Variants in WASF1 observed in about 807,000 individuals in gnomAD.
WASF1 encodes the protein actin-binding protein WASF1.
A neutral mutation model predicts 50.5 loss-of-function variants in WASF1; 7 were observed. The observed-to-expected ratio is 0.14, with a 90% CI of 0.08 to 0.26. The LOEUF is 0.26. WASF1 is among the 10% of genes least tolerant of loss of function. WASF1 has a pLI of 1.00. For synonymous variants in WASF1, 205 were observed against 244.0 expected (o/e 0.84, Z 1.49); for missense variants, 470 against 694.7 (o/e 0.68, Z 3.64).
At chr6:110,150,712 TG>T (rs1343812056) in intron 3 of WASF1, among the ~76,000 whole-genome samples, 1 of 152,104 alleles carries the variant, frequency 6.6e-6, no homozygotes, top group East Asian at 1.9e-4. Flanking sequence ...TGAACTTTGG[TG>T]GTCAACAAGG....
In WASF1 at chr6:110,125,589, T is replaced by C. The variant is rs192439745; in HGVS notation, c.133+1880A>G. On this transcript the variant is annotated intron_variant, in intron 4 of 10. Coordinates refer to ENST00000392589, the MANE Select transcript of WASF1 (RefSeq NM_003931.3). Reference sequence around the variant, plus strand: ...TGCATGAGTTTATTTATTCTGGCTATCTAGAGGCCTTTTAAATTTAATTCC... The same window carrying C: ...TGCATGAGTTTATTTATTCTGGCTACCTAGAGGCCTTTTAAATTTAATTCC... 1.4e-4 allele frequency among the ~76,000 whole-genome samples: 21 copies of C among 152,338 alleles called. No individual in the cohort carries two copies. In the East Asian group the frequency reaches 3.7e-3, roughly 27 times the overall value.
chr6:110,115,192 G>C (rs1314441090), intron 4 of WASF1, among the ~76,000 whole-genome samples: 1 of 151,160 alleles, frequency 6.6e-6, no homozygotes, highest in African/African-American at 2.4e-5. Flanking sequence ...TAATGCAGAT[G>C]AGAGTGTCCT....
chr6:110,129,846 T>C (rs566437703), intron 3 of WASF1, among the ~76,000 whole-genome samples: 28 of 152,362 alleles, frequency 1.8e-4, no homozygotes, highest in African/African-American at 6.7e-4. Flanking sequence ...GAAGAGGTTT[T>C]ACTGTCTTGA....
chr6:110,151,141 T>C (rs1267595398), intron 3 of WASF1, among the ~76,000 whole-genome samples: 1 of 152,206 alleles, frequency 6.6e-6, no homozygotes, highest in Non-Finnish European at 1.5e-5. Context: ...CACTGGGTCA[T>C]AGGGTATATA....
At chr6:110,152,428 T>C (rs1775865666) in intron 3 of WASF1, among the ~76,000 whole-genome samples, 1 of 152,210 alleles carries the variant, frequency 6.6e-6, no homozygotes, top group South Asian at 2.1e-4. Context: ...TATATGTCTG[T>C]ATTATCAAAA....
intron 1 of WASF1, among the ~76,000 whole-genome samples, 160 bp downstream of exon 1, chr6:110,179,279 C>T (rs1240913309): frequency 1.3e-5 from 2 of 152,154 alleles, no homozygotes; most frequent in South Asian, 2.1e-4. Context: ...TCGGAAAACC[C>T]GCGGATGGGG....
At chr6:110,179,112 C>T (rs1403463981) in intron 1 of WASF1, among the ~76,000 whole-genome samples, 2 of 152,206 alleles carry the variant, frequency 1.3e-5, no homozygotes, top group African/African-American at 4.8e-5. Flanking sequence ...ACCGCGGGCG[C>T]GGGTGGGCAG....
chr6:110,168,411 G>T (rs1461342723), intron 2 of WASF1, among the ~76,000 whole-genome samples: 2 of 152,074 alleles, frequency 1.3e-5, no homozygotes, highest in South Asian at 4.1e-4. Context: ...TAGTGAAAAT[G>T]GTGATTTTTA....
At chr6:110,126,597 T>C (rs1313414361) in intron 4 of WASF1, among the ~76,000 whole-genome samples, 2 of 152,158 alleles carry the variant, frequency 1.3e-5, no homozygotes, top group African/African-American at 4.8e-5. Context: ...ATCAGGAGAA[T>C]TTATATGGCT....
intron 3 of WASF1, among the ~76,000 whole-genome samples, chr6:110,129,014 G>A (rs894545146): frequency 3.3e-5 from 5 of 151,646 alleles, no homozygotes; most frequent in Admixed American, 3.3e-4. Flanking sequence ...CCCGTGGAAA[G>A]ACTGTCTTCC....
intron 4 of WASF1, among the ~76,000 whole-genome samples, chr6:110,123,892 T>C (rs920898966): frequency 2.0e-5 from 3 of 152,120 alleles, no homozygotes; most frequent in Admixed American, 6.5e-5. Context: ...ACTGACTATA[T>C]TCCATAAGAG....
intron 3 of WASF1, among the ~76,000 whole-genome samples, chr6:110,131,242 TC>T (rs1774654637): frequency 6.6e-6 from 1 of 152,228 alleles, no homozygotes; most frequent in Non-Finnish European, 1.5e-5. Context: ...TACACCAAGA[TC>T]ATAAATATGA....
rs1415220143 is a variant in WASF1, at chr6:110,101,997, AGGT to A, written c.1110_1112del (p.Pro372del). On this transcript the variant is annotated inframe_deletion, in exon 10 of 11. Transcript: ENST00000392589. ...CAGGGGCAATCTGAAGAGGAGCTGG[AGGT>A]GGTGGTACTGCTGGAGCTTGCAAAG... The A allele has an allele frequency of 1.4e-6, 2 of 1,470,662 alleles. No homozygotes were observed. 91.1% of individuals were successfully genotyped at this position (1,470,662 alleles called of 1,614,324 possible).
At chr6:110,178,334 TGA>T (rs1777023749) in intron 2 of WASF1, among the ~76,000 whole-genome samples, 1 of 152,192 alleles carries the variant, frequency 6.6e-6, no homozygotes, top group Non-Finnish European at 1.5e-5. Context: ...AAACTGTTCC[TGA>T]GAGTTCAAAT....
intron 3 of WASF1, among the ~76,000 whole-genome samples, chr6:110,151,551 G>C (rs576348843): frequency 3.2e-4 from 49 of 152,020 alleles, no homozygotes; most frequent in Non-Finnish European, 6.0e-4. Context: ...TAAACAATAG[G>C]ATCAACAAAA....
intron 3 of WASF1, among the ~76,000 whole-genome samples, chr6:110,147,345 CAAAA>C (rs575990346): frequency 1.3e-5 from 1 of 75,030 alleles, no homozygotes. Context: ...GACTCCGTCT[CAAAA>C]AAAAAAAAAA....
intron 3 of WASF1, among the ~76,000 whole-genome samples, chr6:110,135,248 T>G (rs2114536164): frequency 6.6e-6 from 1 of 152,326 alleles, no homozygotes; most frequent in Non-Finnish European, 1.5e-5. Context: ...TGAATTCATT[T>G]ATCAGTTCTA....
At chr6:110,162,217 C>T (rs1265331159) in intron 2 of WASF1, among the ~76,000 whole-genome samples, 1 of 151,306 alleles carries the variant, frequency 6.6e-6, no homozygotes, top group African/African-American at 2.4e-5. Context: ...ACAAATTCTG[C>T]TTCTCCTCTC....
intron 4 of WASF1, among the ~76,000 whole-genome samples, chr6:110,124,272 C>CTATATATATATA (rs1416564445): frequency 2.3e-5 from 1 of 42,660 alleles, no homozygotes; most frequent in Non-Finnish European, 3.8e-5. Flanking sequence ...CTCTCTCTCT[C>CTATATATATATA]TCTATATATA....
Sources: gnomAD v4.1 joint callset for allele counts (sites outside exome capture counted in the v4.1 genomes callset) on GRCh38, gnomAD v4.1.1 for gene constraint, MANE v1.5 for transcripts, NCBI Gene and HGNC (gene_info 2026-07-23, HGNC 2026-07-21) for gene names.